Variants in HK1 observed in about 807,000 individuals in gnomAD.
HK1 encodes the protein hexokinase-1.
HK1 carries 28 observed loss-of-function variants against 91.6 expected under a neutral mutation model. That is an observed-to-expected ratio of 0.31 (90% CI 0.23 to 0.42). The LOEUF (loss-of-function observed/expected upper bound fraction) is 0.42, where lower values mean the gene tolerates loss of function less well. HK1 is among the 10% of genes least tolerant of loss of function. The pLI is 1.00. For missense variants in HK1, 770 were observed against 1,219.8 expected, an observed-to-expected ratio of 0.63 and a Z score of 5.49; for synonymous variants, 430 against 468.1, an observed-to-expected ratio of 0.92 and a Z score of 1.05.
chr10:69,319,597 T>G (rs973678381), intron 1 of HK1, among the ~76,000 whole-genome samples: 1 of 152,260 alleles, frequency 6.6e-6, no homozygotes, highest in Non-Finnish European at 1.5e-5. Flanking sequence ...ACTTTGCTCA[T>G]AGGCCTCGTG....
intron 5 of HK1, among the ~76,000 whole-genome samples, chr10:69,302,755 CAAAAA>C (rs58435739): frequency 1.3e-4 from 17 of 127,498 alleles, no homozygotes; most frequent in African/African-American, 1.2e-4. Context: ...GACCCTGTCT[CAAAAA>C]AAAAAAAAAA....
chr10:69,348,311 T>A (rs1564530788), intron 2 of HK1, among the ~76,000 whole-genome samples: 1 of 152,246 alleles, frequency 6.6e-6, no homozygotes, highest in African/African-American at 2.4e-5. Flanking sequence ...ATATTCATAC[T>A]ACTGTTTTCC....
At chr10:69,280,144 CAG>C (rs926259875) in intron 1 of HK1, among the ~76,000 whole-genome samples, 2 of 151,182 alleles carry the variant, frequency 1.3e-5, no homozygotes, top group African/African-American at 4.9e-5. Context: ...TTTTTTTAGA[CAG>C]AGTCTCGCAC....
At chr10:69,390,400 T>G (rs1298162658) in intron 14 of HK1, among the ~76,000 whole-genome samples, 2 of 145,188 alleles carry the variant, frequency 1.4e-5, no homozygotes, top group Non-Finnish European at 3.0e-5. Context: ...CATAGCTACT[T>G]TTTCTTTCCT....
rs1211698162 is a variant in HK1, at chr10:69,323,537, A to AG, written c.63+4527_63+4528insG. On this transcript the variant is annotated intron_variant, in intron 1 of 17. Transcript: ENST00000359426. ...CTCTGTCTCAAAAAAAAAAAAAAAA[A>AG]AAGAAGAAAGAAAATTATGAGAAGT... Among the ~76,000 whole-genome samples, 4 of 151,372 alleles carry AG rather than the reference A, an allele frequency of 2.6e-5. No homozygotes were observed. In the South Asian group the frequency reaches 6.3e-4, roughly 24 times the overall value.
intron 4 of HK1, among the ~76,000 whole-genome samples, chr10:69,367,766 A>G (rs1157996166): frequency 1.3e-5 from 2 of 152,208 alleles, no homozygotes; most frequent in African/African-American, 4.8e-5. Context: ...GACTTGCCCC[A>G]TTCAGAGTAA....
At chr10:69,341,469 A>ATTT (rs748689808) in intron 1 of HK1, among the ~76,000 whole-genome samples, 1 of 142,350 alleles carries the variant, frequency 7.0e-6, no homozygotes, top group Non-Finnish European at 1.5e-5. Flanking sequence ...CCAATTGTTA[A>ATTT]TTTTTTTTTT....
At chr10:69,270,573 C>T (rs994044423) in intron 1 of HK1, among the ~76,000 whole-genome samples, 1 of 150,406 alleles carries the variant, frequency 6.6e-6, no homozygotes, top group Non-Finnish European at 1.5e-5. Flanking sequence ...CACAGCGAGT[C>T]TGTCTAAAAA....
chr10:69,313,205 A>C (rs1264533719), upstream of HK1, among the ~76,000 whole-genome samples: 2 of 152,232 alleles, frequency 1.3e-5, no homozygotes, highest in Admixed American at 6.5e-5. Flanking sequence ...TCCCATTATT[A>C]GGAGCTGAAA....
In HK1 at chr10:69,338,295, A is replaced by T. The variant is rs1373090136; in HGVS notation, c.64-5532A>T. 2.5e-6 allele frequency: 3 copies of T among 1,179,018 alleles called. No homozygotes were observed. The African/African-American group carries it at 4.8e-5, about 19-fold the overall frequency. 73.0% of individuals were successfully genotyped at this position (1,179,018 alleles called of 1,614,324 possible). On this transcript the variant is annotated intron_variant, in intron 1 of 17. Coordinates refer to ENST00000359426, the MANE Select transcript of HK1 (RefSeq NM_000188.3). ...GGTGGACAGAGGCCCTGGAGGCTGG[A>T]TGCGGGTTCTCAGGCAAGAGTCTGA...
chr10:69,301,533 C>T (rs1404425747), intron 5 of HK1, among the ~76,000 whole-genome samples: 2 of 132,992 alleles, frequency 1.5e-5, no homozygotes, highest in Admixed American at 8.1e-5. Context: ...GAGATCACAC[C>T]AGTGTACTCT....
At chr10:69,317,338 GC>G (rs1490547988), upstream of HK1, among the ~76,000 whole-genome samples, 3 of 152,138 alleles carry the variant, frequency 2.0e-5, no homozygotes, top group Non-Finnish European at 2.9e-5. Context: ...GATTCAAGAT[GC>G]CCCTCTGCAT....
intron 13 of HK1, 60 bp from the exon 14 acceptor site, chr10:69,389,137 C>A: frequency 7.6e-7 from 1 of 1,308,762 alleles, no homozygotes; most frequent in East Asian, 2.3e-5. Context: ...ACAGAACCGG[C>A]AGCATTCAAG....
intron 2 of HK1, among the ~76,000 whole-genome samples, chr10:69,357,212 AC>A (rs1849179186): frequency 6.6e-6 from 1 of 152,214 alleles, no homozygotes; most frequent in African/African-American, 2.4e-5. Context: ...ATAAATGAAA[AC>A]GTGTCCACAC....
upstream of HK1, among the ~76,000 whole-genome samples, chr10:69,317,665 C>G (rs994598062): frequency 1.3e-5 from 2 of 152,156 alleles, no homozygotes; most frequent in African/African-American, 4.8e-5. Context: ...GAGGTGAGCA[C>G]CTGCTTCAAA....
In HK1 at chr10:69,290,354, G is replaced by A. The variant is rs78142118; in HGVS notation, c.-115+1584G>A. On this transcript the variant is annotated intron_variant, in intron 3 of 21. Transcript: ENST00000360289. ...TTCCACCTCGAGGCAAGAGGTGAGG[G>A]TCTTGGGCACGCCTGGGGTGGTTAT... 5.0e-3 allele frequency among the ~76,000 whole-genome samples: 757 copies of A among 152,288 alleles called. 3 individuals carry two copies. Among genetic ancestry groups the A allele is most frequent in the Middle Eastern group, 0.017 (5 of 294 alleles).
chr10:69,305,551 T>C (rs1846065182), intron 5 of HK1, among the ~76,000 whole-genome samples: 1 of 150,714 alleles, frequency 6.6e-6, no homozygotes, highest in Admixed American at 6.7e-5. Flanking sequence ...AGGTACCAGT[T>C]AAAAAAAAAG....
chr10:69,326,598 A>G (rs187410324), intron 1 of HK1, among the ~76,000 whole-genome samples: 8 of 152,340 alleles, frequency 5.3e-5, no homozygotes, highest in African/African-American at 1.2e-4. Flanking sequence ...TGGAACCTGT[A>G]TTTTAATACT....
At position 69,390,149 on chromosome 10, in the gene HK1, C is replaced by G. The variant is rs1839830634; in HGVS notation, c.2035+853C>G. ...GAACTTTTCATTCATTGTTAAGCCACTTTTCGCTTCTGTTGAAATTTTAAA... is the reference window on the plus strand; with the variant it reads ...GAACTTTTCATTCATTGTTAAGCCAGTTTTCGCTTCTGTTGAAATTTTAAA... On this transcript the variant is annotated intron_variant, in intron 14 of 17. Coordinates refer to ENST00000359426, the MANE Select transcript of HK1 (RefSeq NM_000188.3). Among the ~76,000 whole-genome samples the G allele has an allele frequency of 2.0e-5, 3 of 152,224 alleles. No homozygotes were observed. In the South Asian group the frequency reaches 6.2e-4, roughly 31 times the overall value.
Sources: allele counts gnomAD v4.1 joint callset (sites outside exome capture counted in the v4.1 genomes callset), GRCh38; gene constraint gnomAD v4.1.1; transcripts MANE v1.5; gene names NCBI Gene and HGNC (gene_info 2026-07-23, HGNC 2026-07-21).